The following RS1 variants were observed in gnomAD, a reference collection of about 807,000 sequenced individuals.
RS1 encodes the protein retinoschisin.
Under a neutral mutation model 20.8 loss-of-function variants are expected in RS1, and 2 were observed. The ratio of observed to expected loss-of-function variants is 0.10; its 90% CI spans 0.04 to 0.30. The LOEUF (loss-of-function observed/expected upper bound fraction) is 0.30, where lower values mean the gene tolerates loss of function less well. RS1 is among the 10% of genes least tolerant of loss of function. The probability of loss-of-function intolerance (pLI) is 1.00; values close to 1 mark genes in which losing one functional copy is unlikely to be tolerated. For missense variants in RS1, 151 were observed against 189.8 expected (o/e 0.80, Z 1.20); for synonymous variants, 70 against 75.8 (o/e 0.92, Z 0.40).
At position 18,641,948 on chromosome X, in the gene RS1, C is replaced by T. The variant is rs761218643; in HGVS notation, c.*56G>A. The T allele has an allele frequency of 7.7e-5, 89 of 1,161,520 alleles. No individual in the cohort carries two copies. The South Asian group carries it at 1.1e-3, about 14-fold the overall frequency. ...ATCTCGGTGGTGTGTGAGGGGGTCCCCTACGGCCCGCTCTGTGCCAGTCAC... is the reference window on the plus strand; with the variant it reads ...ATCTCGGTGGTGTGTGAGGGGGTCCTCTACGGCCCGCTCTGTGCCAGTCAC... On this transcript the variant is annotated 3_prime_UTR_variant, in exon 6 of 6. Transcript: ENST00000379984.
At chrX:18,645,503 G>A (rs1927736471) in intron 4 of RS1, among the ~76,000 whole-genome samples, 1 of 107,582 alleles carries the variant, frequency 9.3e-6, no homozygotes, top group Non-Finnish European at 1.9e-5. Context: ...TGTCCATGCC[G>A]GCCACCTGAG....
intron 3 of RS1, among the ~76,000 whole-genome samples, chrX:18,653,860 C>T (rs188484968): frequency 1.2e-4 from 13 of 109,475 alleles, no homozygotes; most frequent in African/African-American, 1.7e-4. Flanking sequence ...CCCAGCTACT[C>T]GGGAGGCTGA....
chrX:18,666,214 A>G (rs951943426), intron 1 of RS1, among the ~76,000 whole-genome samples: 6 of 111,767 alleles, frequency 5.4e-5, no homozygotes, highest in African/African-American at 2.0e-4. Context: ...AAGAGAATAG[A>G]TAGTATGGAA....
intron 2 of RS1, 33 bp downstream of exon 2, chrX:18,657,607 C>A (rs1381776720): frequency 8.9e-7 from 1 of 1,128,411 alleles, no homozygotes; most frequent in Non-Finnish European, 1.2e-6. Flanking sequence ...AAGTACTATG[C>A]ATGTACATTA....
chrX:18,661,304 C>T (rs766419681), intron 1 of RS1, among the ~76,000 whole-genome samples: 1 of 111,386 alleles, frequency 9.0e-6, no homozygotes, highest in Non-Finnish European at 1.9e-5. Flanking sequence ...AGGTGTGGTT[C>T]GCTTCTTCAG....
Position 18,641,319 on chromosome X carries a change from T to C in RS1, c.*685A>G, listed in dbSNP as rs1927567050. On this transcript the variant is annotated 3_prime_UTR_variant, in exon 6 of 6. Transcript: ENST00000379984. ...TAATGGAGCTGTGTGTATTGGGCGC[T>C]CTGGTCCCTCCCCAATCCCTGTGTT... 1 of 113,559 alleles carries C rather than the reference T, an allele frequency of 8.8e-6. No individual in the cohort carries two copies. Among genetic ancestry groups the C allele is most frequent in the Admixed American group, 9.1e-5 (1 of 10,953 alleles). 9.4% of individuals were successfully genotyped at this position (113,559 alleles called of 1,213,427 possible). A position where few individuals can be genotyped will look rare whatever the true frequency, so the allele number is the denominator to read the frequency against.
intron 1 of RS1, among the ~76,000 whole-genome samples, chrX:18,662,071 G>A (rs1928321610): frequency 8.9e-6 from 1 of 111,875 alleles, no homozygotes; most frequent in Admixed American, 9.4e-5. Context: ...TTCCGCCATG[G>A]GAGGGCACAG....
chrX:18,657,392 T>C (rs1297747554), intron 2 of RS1, among the ~76,000 whole-genome samples: 2 of 108,263 alleles, frequency 1.8e-5, no homozygotes, highest in Non-Finnish European at 3.8e-5. Flanking sequence ...GGCTAATTTT[T>C]GTATTTTTAA....
At chrX:18,646,215 A>G (rs1927768454) in intron 4 of RS1, 6 of 1,053,108 alleles carry the variant, frequency 5.7e-6, no homozygotes, top group Non-Finnish European at 7.7e-6. Flanking sequence ...GCAGTGGCAC[A>G]CAATCTCGGC....
chrX:18,669,205 A>G (rs1296007324), intron 1 of RS1, among the ~76,000 whole-genome samples: 1 of 111,293 alleles, frequency 9.0e-6, no homozygotes, highest in East Asian at 2.8e-4. Context: ...TATAAGACAT[A>G]GGAAGCCAGG....
intron 1 of RS1, 39 bp downstream of exon 1, chrX:18,671,978 T>G (rs193089324): frequency 9.3e-7 from 1 of 1,079,634 alleles, no homozygotes; most frequent in East Asian, 3.0e-5. Flanking sequence ...AATTATGTAT[T>G]AAGTATGCAA....
At chrX:18,651,264 T>TGTGTGTGTGTGTGTGAGA (rs1491242962) in intron 3 of RS1, among the ~76,000 whole-genome samples, 4 of 69,012 alleles carry the variant, frequency 5.8e-5, no homozygotes, top group African/African-American at 2.5e-4. Context: ...TGTGTGTGTG[T>TGTGTGTGTGTGTGTGAGA]GAGAGAGAGA....
chrX:18,654,695 A>G (rs938047530), intron 3 of RS1, among the ~76,000 whole-genome samples: 2 of 111,551 alleles, frequency 1.8e-5, no homozygotes, highest in Non-Finnish European at 3.8e-5. Context: ...AGCTCATGCC[A>G]TGGAGCCTGA....
intron 1 of RS1, among the ~76,000 whole-genome samples, chrX:18,669,815 A>G (rs1381056235): frequency 8.9e-6 from 1 of 112,164 alleles, no homozygotes; most frequent in Non-Finnish European, 1.9e-5. Context: ...GGCACACAGT[A>G]GGTTGCCAAG....
chrX:18,658,780 T>TTCA (rs35009798), intron 1 of RS1, among the ~76,000 whole-genome samples: 14,772 of 103,726 alleles, frequency 0.14, 861 homozygotes, highest in South Asian at 0.18. Context: ...TTATTAAATC[T>TTCA]TCATCATCAT....
chrX:18,660,454 C>G (rs1928291082), intron 1 of RS1, among the ~76,000 whole-genome samples: 1 of 111,168 alleles, frequency 9.0e-6, no homozygotes, highest in Non-Finnish European at 1.9e-5. Context: ...GGTGATCCAC[C>G]TGCCTTGTCC....
At chrX:18,669,994 G>A (rs1204965808) in intron 1 of RS1, among the ~76,000 whole-genome samples, 2 of 112,150 alleles carry the variant, frequency 1.8e-5, no homozygotes, top group East Asian at 2.8e-4. Flanking sequence ...GAGCTCCCCA[G>A]CCATGCACAA....
At chrX:18,647,438 G>T in intron 3 of RS1, 106 bp from the exon 4 acceptor site, 1 of 874,226 alleles carries the variant, frequency 1.1e-6, no homozygotes, top group East Asian at 3.2e-5. Context: ...TTCGGAGACG[G>T]AGAAGGCTTT....
At position 18,651,264 on chromosome X, in the gene RS1, T is replaced by TGTGA. The variant is rs1491242962; in HGVS notation, c.185-3933_185-3932insTCAC. ...GTGTGTGTGTGTGTGTGTGTGTGTG[T>TGTGA]GAGAGAGAGAGAGAGAGAGAGAGAC... On this transcript the variant is annotated intron_variant, in intron 3 of 5. Transcript: ENST00000379984. Among the ~76,000 whole-genome samples the TGTGA allele has an allele frequency of 5.2e-3, 356 of 68,983 alleles. 2 individuals are homozygous for TGTGA. The highest frequency in any genetic ancestry group is 0.02 in the African/African-American group (321 of 15,961). 59.9% of individuals were successfully genotyped at this position (68,983 alleles called of 115,157 possible). A position where few individuals can be genotyped will look rare whatever the true frequency, so the allele number is the denominator to read the frequency against.
Sources: allele counts gnomAD v4.1 joint callset (sites outside exome capture counted in the v4.1 genomes callset), GRCh38; gene constraint gnomAD v4.1.1; transcripts MANE v1.5; gene names NCBI Gene and HGNC (gene_info 2026-07-23, HGNC 2026-07-21).